Variants in VAV3 observed in about 807,000 individuals in gnomAD.
VAV3 encodes the protein vav guanine nucleotide exchange factor 3.
A neutral mutation model predicts 131.2 loss-of-function variants in VAV3; 94 were observed. The observed-to-expected ratio is 0.72, with a 90% CI of 0.61 to 0.85. VAV3 has a LOEUF of 0.85. VAV3 is among the 40% of genes least tolerant of loss of function. The pLI, the probability that VAV3 is intolerant of heterozygous loss-of-function variation, is 0.00. For synonymous variants in VAV3, 349 were observed against 342.0 expected (o/e 1.02, Z -0.22); for missense variants, 939 against 1,002.7 (o/e 0.94, Z 0.86).
At chr1:107,936,153 G>C (rs1419542653) in intron 1 of VAV3, among the ~76,000 whole-genome samples, 2 of 152,200 alleles carry the variant, frequency 1.3e-5, no homozygotes, top group South Asian at 2.1e-4. Context: ...TGAATTGATA[G>C]ATAAAACATC....
intron 11 of VAV3, among the ~76,000 whole-genome samples, chr1:107,756,875 G>A (rs988292339): frequency 6.6e-6 from 1 of 151,808 alleles, no homozygotes; most frequent in African/African-American, 2.4e-5. Context: ...ACAAGCCAAC[G>A]TTTTCTATTA....
intron 20 of VAV3, among the ~76,000 whole-genome samples, chr1:107,630,321 G>A (rs1654364453): frequency 6.6e-6 from 1 of 151,806 alleles, no homozygotes; most frequent in Admixed American, 6.6e-5. Context: ...ATGAATGGTA[G>A]GATAAAAAGA....
intron 17 of VAV3, 78 bp downstream of exon 17, chr1:107,704,472 G>A (rs1393824705): frequency 9.3e-7 from 1 of 1,070,050 alleles, no homozygotes; most frequent in Non-Finnish European, 1.4e-6. Flanking sequence ...CATATTCAGA[G>A]TAAATTAGGC....
intron 20 of VAV3, among the ~76,000 whole-genome samples, chr1:107,637,938 C>T (rs553176816): frequency 2.6e-4 from 40 of 152,094 alleles, no homozygotes; most frequent in South Asian, 2.1e-4. Context: ...TCAAATTTGC[C>T]GCATTAATAA....
chr1:107,776,305 A>G (rs1665352314), intron 4 of VAV3, among the ~76,000 whole-genome samples: 1 of 152,240 alleles, frequency 6.6e-6, no homozygotes, highest in Non-Finnish European at 1.5e-5. Context: ...AAAGTCCCAC[A>G]CCTCACAAAA....
intron 2 of VAV3, among the ~76,000 whole-genome samples, chr1:107,817,707 C>T (rs982744845): frequency 1.3e-5 from 2 of 152,056 alleles, no homozygotes; most frequent in Non-Finnish European, 2.9e-5. Flanking sequence ...GAGCCCTTCC[C>T]ATGTGGCTGG....
intron 15 of VAV3, among the ~76,000 whole-genome samples, chr1:107,736,297 C>T (rs1477862505): frequency 6.6e-6 from 1 of 152,096 alleles, no homozygotes; most frequent in Non-Finnish European, 1.5e-5. Flanking sequence ...AAAACTGGCA[C>T]AAGACAGGGA....
At chr1:107,960,780 C>T (rs1759043) in intron 1 of VAV3, among the ~76,000 whole-genome samples, 88,711 of 152,016 alleles carry the variant, frequency 0.58, 28,599 homozygotes, top group Middle Eastern at 0.75. Flanking sequence ...TGTGTTCCTT[C>T]ACTCGCTTCA....
chr1:107,578,734 GAGT>G (rs936186512), intron 25 of VAV3: 1 of 983,210 alleles, frequency 1.0e-6, no homozygotes, highest in African/African-American at 1.8e-5. Context: ...TCAGCCTCCC[GAGT>G]AGCTGGGACT....
Position 107,964,955 on chromosome 1 carries a change from C to G in VAV3, c.-86G>C, listed in dbSNP as rs1206425330. 14 of 1,132,052 alleles carry G rather than the reference C, an allele frequency of 1.2e-5. No individual in the cohort carries two copies. Among genetic ancestry groups the G allele is most frequent in the East Asian group, 3.7e-5 (1 of 26,720 alleles). The allele number at this position is 1,132,052 out of a possible 1,614,324, so 70.1% of individuals were successfully genotyped here. ...CCGCCGCCGCGGTTCCTCCGCGCCC[C>G]GCCGACGCCAACAGCCGCCGGCCCT... On this transcript the variant is annotated 5_prime_UTR_variant, in exon 1 of 27. Coordinates refer to ENST00000370056, the MANE Select transcript of VAV3 (RefSeq NM_006113.5).
chr1:107,875,863 CTG>C (rs1394434121), intron 1 of VAV3, among the ~76,000 whole-genome samples: 1 of 152,128 alleles, frequency 6.6e-6, no homozygotes, highest in Non-Finnish European at 1.5e-5. Context: ...CACTTTTTGA[CTG>C]TGTTAAATCT....
intron 19 of VAV3, among the ~76,000 whole-genome samples, chr1:107,679,265 C>A (rs1445010046): frequency 2.6e-5 from 4 of 152,120 alleles, no homozygotes; most frequent in Non-Finnish European, 5.9e-5. Flanking sequence ...AAGCCACATG[C>A]AACTCTTTGT....
intron 22 of VAV3, among the ~76,000 whole-genome samples, chr1:107,603,727 T>C (rs919785488): frequency 6.6e-6 from 1 of 151,988 alleles, no homozygotes; most frequent in Non-Finnish European, 1.5e-5. Context: ...TTTTTTTGCA[T>C]AGAAAGAACA....
chr1:107,646,247 T>C (rs1328712006), intron 19 of VAV3, among the ~76,000 whole-genome samples: 2 of 152,034 alleles, frequency 1.3e-5, no homozygotes, highest in African/African-American at 4.8e-5. Flanking sequence ...TGACAAGAAA[T>C]ACACATTTCA....
chr1:107,761,788 G>C (rs1212129249), intron 9 of VAV3, among the ~76,000 whole-genome samples: 1 of 152,102 alleles, frequency 6.6e-6, no homozygotes, highest in Admixed American at 6.6e-5. Context: ...ATGCCCCTAA[G>C]AATGTAGTAT....
chr1:107,952,457 A>G (rs1411021667), intron 1 of VAV3, among the ~76,000 whole-genome samples: 1 of 95,634 alleles, frequency 1.0e-5, no homozygotes, highest in Non-Finnish European at 2.0e-5. Flanking sequence ...CCCCGAACTT[A>G]TAACAAAACT....
chr1:107,818,287 A>G (rs750035934), intron 2 of VAV3, among the ~76,000 whole-genome samples: 3 of 152,146 alleles, frequency 2.0e-5, no homozygotes, highest in Non-Finnish European at 4.4e-5. Context: ...AATACTAATC[A>G]ATCAGTATCC....
chr1:107,935,734 G>C (rs536829180), intron 1 of VAV3, among the ~76,000 whole-genome samples: 2 of 152,292 alleles, frequency 1.3e-5, no homozygotes, highest in South Asian at 4.1e-4. Context: ...GCACACAGGA[G>C]AGGCACCAAA....
intron 2 of VAV3, among the ~76,000 whole-genome samples, chr1:107,794,947 T>A (rs12733154): frequency 0.11 from 16,545 of 152,196 alleles, 1,030 homozygotes; most frequent in Non-Finnish European, 0.13. Flanking sequence ...GTATTCAGCA[T>A]TGTTCTCTGA....
Sources: allele counts gnomAD v4.1 joint callset (sites outside exome capture counted in the v4.1 genomes callset), GRCh38; gene constraint gnomAD v4.1.1; transcripts MANE v1.5; gene names NCBI Gene and HGNC (gene_info 2026-07-23, HGNC 2026-07-21).